DSCAM: variants seen among roughly 807,000 people sequenced by gnomAD.
DSCAM encodes the protein DS cell adhesion molecule.
Under a neutral mutation model 217.7 loss-of-function variants are expected in DSCAM, and 47 were observed. The observed-to-expected ratio is 0.22, with a 90% CI of 0.17 to 0.28. The LOEUF is 0.28. DSCAM is among the 10% of genes least tolerant of loss of function. The pLI, the probability that DSCAM is intolerant of heterozygous loss-of-function variation, is 1.00. For synonymous variants in DSCAM, 1,056 were observed against 1,015.3 expected (o/e 1.04, Z -0.76); for missense variants, 2,080 against 2,618.3 (o/e 0.79, Z 4.49).
rs2090554159 is a variant in DSCAM, at chr21:40,692,961, A to C, written c.362-5T>G. On this transcript the variant is annotated splice_region_variant and splice_polypyrimidine_tract_variant and intron_variant, in intron 2 of 32. Coordinates refer to ENST00000400454, the MANE Select transcript of DSCAM (RefSeq NM_001389.5). ...CTGTATAGGGCTCCCGTAAAACTGG[A>C]AGGCAGAAAGAGGACGTCAGTAAGG... The C allele has an allele frequency of 6.3e-7, 1 of 1,599,556 alleles. No homozygotes were observed. The highest frequency in any genetic ancestry group is 1.3e-5 in the African/African-American group (1 of 74,834).
intron 3 of DSCAM, among the ~76,000 whole-genome samples, chr21:40,663,591 G>T (rs1257516749): frequency 1.3e-5 from 2 of 152,146 alleles, no homozygotes; most frequent in African/African-American, 4.8e-5. Flanking sequence ...CCCTAGACAT[G>T]GTGACTCGTT....
chr21:40,106,829 A>C (rs1252633986), intron 20 of DSCAM, among the ~76,000 whole-genome samples: 2 of 151,414 alleles, frequency 1.3e-5, no homozygotes, highest in African/African-American at 4.9e-5. Flanking sequence ...CCACTTATTT[A>C]TTCTGATTGT....
At chr21:40,459,071 GAAAA>G (rs201196415) in intron 3 of DSCAM, among the ~76,000 whole-genome samples, 2 of 151,226 alleles carry the variant, frequency 1.3e-5, no homozygotes, top group Non-Finnish European at 3.0e-5. Flanking sequence ...AAAAGAACTA[GAAAA>G]AAAATCAATA....
chr21:40,030,535 A>AGAT (rs1025955105), intron 32 of DSCAM, among the ~76,000 whole-genome samples: 7 of 152,124 alleles, frequency 4.6e-5, no homozygotes, highest in African/African-American at 1.7e-4. Context: ...AAAGGCCAGG[A>AGAT]GATAGGAATG....
chr21:40,017,062 G>A (rs1312484338), intron 32 of DSCAM, among the ~76,000 whole-genome samples: 6 of 147,176 alleles, frequency 4.1e-5, no homozygotes, highest in Non-Finnish European at 7.4e-5. Flanking sequence ...GTTGCTGCAC[G>A]ATTGCACTCT....
rs545457824 is a variant in DSCAM, at chr21:40,381,558, C to G, written c.509-12313G>C. ...GGCACTTCAACCCACAGTGACTATG[C>G]TTACCTGGTCTGTGTTAGCAACCCA... is the stretch of plus-strand genomic sequence containing the variant. On this transcript the variant is annotated intron_variant, in intron 3 of 32. Transcript: ENST00000400454. 2.3e-3 allele frequency among the ~76,000 whole-genome samples: 355 copies of G among 152,294 alleles called. 1 individual carries two copies. The highest frequency in any genetic ancestry group is 6.8e-3 in the Middle Eastern group (2 of 294).
intron 3 of DSCAM, among the ~76,000 whole-genome samples, chr21:40,566,902 C>A (rs562364108): frequency 1.3e-5 from 2 of 152,150 alleles, no homozygotes; most frequent in South Asian, 4.2e-4. Context: ...CTGTGAGACA[C>A]AGGAAAGTGG....
chr21:40,759,633 T>C (rs2091310752), intron 1 of DSCAM, among the ~76,000 whole-genome samples: 5 of 152,102 alleles, frequency 3.3e-5, no homozygotes, highest in Admixed American at 2.6e-4. Context: ...CTGCCCTCAG[T>C]TGGGTTGATT....
chr21:40,780,341 T>C (rs1038263252), intron 1 of DSCAM, among the ~76,000 whole-genome samples: 1 of 150,872 alleles, frequency 6.6e-6, no homozygotes, highest in Non-Finnish European at 1.5e-5. Context: ...GTGACTTGGG[T>C]TTCAGTATTT....
chr21:40,471,096 G>A (rs1013169789), intron 3 of DSCAM, among the ~76,000 whole-genome samples: 6 of 152,118 alleles, frequency 3.9e-5, no homozygotes, highest in Non-Finnish European at 2.9e-5. Context: ...AAACATAAGT[G>A]GTAAAGATTC....
intron 3 of DSCAM, among the ~76,000 whole-genome samples, chr21:40,619,415 T>C (rs1438534248): frequency 6.6e-6 from 1 of 152,222 alleles, no homozygotes; most frequent in Non-Finnish European, 1.5e-5. Context: ...AAAAGATTAA[T>C]ATGTTGGGGT....
chr21:40,275,826 C>A (rs780101041), intron 11 of DSCAM, among the ~76,000 whole-genome samples: 4 of 152,130 alleles, frequency 2.6e-5, no homozygotes, highest in Non-Finnish European at 5.9e-5. Flanking sequence ...GAGCCCATAC[C>A]AATGGCTGTG....
chr21:40,242,827 G>A lies in DSCAM; in HGVS notation c.2356+33270C>T, dbSNP rs8129055. Among the ~76,000 whole-genome samples, 1,247 of 152,322 alleles carry A rather than the reference G, an allele frequency of 8.2e-3. 12 individuals are homozygous for A. The highest frequency in any genetic ancestry group is 0.027 in the Middle Eastern group (8 of 294). ...TCTTTGTTTAAGCAGCTAAGAAGCA[G>A]GTTGCTGCGTACTGAGCAGAACCCT... On this transcript the variant is annotated intron_variant, in intron 11 of 32. Transcript: ENST00000400454.
At chr21:40,527,724 A>T (rs2076410975) in intron 3 of DSCAM, among the ~76,000 whole-genome samples, 1 of 152,232 alleles carries the variant, frequency 6.6e-6, no homozygotes, top group Non-Finnish European at 1.5e-5. Context: ...TAACAGATAC[A>T]CCCTGGAATA....
intron 3 of DSCAM, among the ~76,000 whole-genome samples, chr21:40,371,800 T>G (rs144961053): frequency 1.3e-5 from 2 of 152,318 alleles, no homozygotes; most frequent in East Asian, 3.9e-4. Flanking sequence ...TAAACCCATT[T>G]AAGCCTAGCG....
intron 6 of DSCAM, among the ~76,000 whole-genome samples, chr21:40,341,528 T>C (rs1230320284): frequency 6.6e-6 from 1 of 152,140 alleles, no homozygotes; most frequent in African/African-American, 2.4e-5. Context: ...CACACCAGAG[T>C]AACCACAAAA....
intron 11 of DSCAM, among the ~76,000 whole-genome samples, chr21:40,249,272 G>A (rs1382526037): frequency 6.6e-6 from 1 of 152,162 alleles, no homozygotes; most frequent in Non-Finnish European, 1.5e-5. Context: ...CATGTGTTGT[G>A]GGAGGGACCA....
At chr21:40,782,022 T>C (rs1229162265) in intron 1 of DSCAM, among the ~76,000 whole-genome samples, 2 of 109,208 alleles carry the variant, frequency 1.8e-5, no homozygotes, top group Non-Finnish European at 4.0e-5. Flanking sequence ...AAAAAAAAAA[T>C]TAGCCAGGCG....
At chr21:40,044,677 T>C (rs1202098800) in intron 30 of DSCAM, among the ~76,000 whole-genome samples, 1 of 152,212 alleles carries the variant, frequency 6.6e-6, no homozygotes, top group Non-Finnish European at 1.5e-5. Flanking sequence ...AACCAATTAC[T>C]GTGCTAGAGA....
Sources: allele counts gnomAD v4.1 joint callset (sites outside exome capture counted in the v4.1 genomes callset), GRCh38; gene constraint gnomAD v4.1.1; transcripts MANE v1.5; gene names NCBI Gene and HGNC (gene_info 2026-07-23, HGNC 2026-07-21).